ABL2: variants seen among roughly 807,000 people sequenced by gnomAD.
ABL2 encodes the protein ABL proto-oncogene 2, non-receptor tyrosine kinase, also known as tyrosine-protein kinase ABL2.
Under a neutral mutation model 107.7 loss-of-function variants are expected in ABL2, and 49 were observed. The ratio of observed to expected loss-of-function variants is 0.45; its 90% CI spans 0.36 to 0.58. ABL2 has a LOEUF of 0.58. Ranked by LOEUF, ABL2 falls within the 20% of genes least tolerant of loss-of-function variation. ABL2 has a pLI of 0.00. For missense variants in ABL2, 1,245 were observed against 1,457.0 expected, an observed-to-expected ratio of 0.85 and a Z score of 2.37; for synonymous variants, 549 against 548.6, an observed-to-expected ratio of 1.00 and a Z score of -0.01.
Position 179,104,368 on chromosome 1 carries a change from T to C in ABL2, c.*3350A>G, listed in dbSNP as rs767098871. 2 of 224,098 alleles carry C rather than the reference T, an allele frequency of 8.9e-6. No individual in the cohort carries two copies. The highest frequency in any genetic ancestry group is 1.8e-4 in the South Asian group (1 of 5,458). The allele number at this position is 224,098 out of a possible 1,614,324, so 13.9% of individuals were successfully genotyped here. ...CAAAATCTCCATGACTTTAGTTAAATAAAAATGGGCAGTGCCTTAGCAAAG... is the reference window on the plus strand; with the variant it reads ...CAAAATCTCCATGACTTTAGTTAAACAAAAATGGGCAGTGCCTTAGCAAAG... On this transcript the variant is annotated 3_prime_UTR_variant, in exon 12 of 12. Transcript: ENST00000502732.
Position 179,229,634 on chromosome 1 carries a change from GCCGCCGCCGCCGCCGCCGCCA to G in ABL2, c.-258_-238del, listed in dbSNP as rs1009580490. 1.4e-4 allele frequency: 47 copies of G among 336,386 alleles called. No individual in the cohort carries two copies. Among genetic ancestry groups the G allele is most frequent in the Middle Eastern group, 8.2e-4 (1 of 1,222 alleles). The allele number at this position is 336,386 out of a possible 1,614,324, so 20.8% of individuals were successfully genotyped here. On this transcript the variant is annotated 5_prime_UTR_variant, in exon 1 of 12. Coordinates refer to ENST00000502732, the MANE Select transcript of ABL2 (RefSeq NM_007314.4). ...CCTGTCGCGGCTCCGCGCCCCCAAC[GCCGCCGCCGCCGCCGCCGCCA>G]CCGCCGCCGCCATCTTTAAACCACC... is the stretch of plus-strand genomic sequence containing the variant.
Position 179,229,503 on chromosome 1 carries a change from G to A in ABL2, c.-106C>T, listed in dbSNP as rs1663433054. The A allele has an allele frequency of 2.7e-5, 34 of 1,251,702 alleles. No individual in the cohort carries two copies. The highest frequency in any genetic ancestry group is 3.4e-5 in the Non-Finnish European group (33 of 967,038). The allele number at this position is 1,251,702 out of a possible 1,614,324, so 77.5% of individuals were successfully genotyped here. On this transcript the variant is annotated 5_prime_UTR_variant, in exon 1 of 12. Transcript: ENST00000502732. ...GCTCCGGTCTCTCCCTCCCAGCCCA[G>A]GCCCTGGCCCTGAGTGGCTGGGCCA...
intron 3 of ABL2, among the ~76,000 whole-genome samples, chr1:179,128,796 A>T (rs769177556): frequency 3.9e-5 from 6 of 152,088 alleles, no homozygotes; most frequent in African/African-American, 4.8e-5. Flanking sequence ...TGATCCTCAG[A>T]CCTCAGCCCC....
chr1:179,117,926 C>T (rs576400620), intron 7 of ABL2, among the ~76,000 whole-genome samples: 18 of 150,188 alleles, frequency 1.2e-4, no homozygotes, highest in South Asian at 4.2e-4. Flanking sequence ...CAGGACCAGC[C>T]GGGGCAACAT....
intron 1 of ABL2, among the ~76,000 whole-genome samples, chr1:179,192,977 T>A (rs916206166): frequency 5.3e-5 from 8 of 152,222 alleles, no homozygotes; most frequent in African/African-American, 1.9e-4. Context: ...ATATCTTTGG[T>A]AACAGAATGA....
chr1:179,200,848 C>T (rs1418911283), intron 1 of ABL2, among the ~76,000 whole-genome samples: 4 of 152,264 alleles, frequency 2.6e-5, no homozygotes, highest in African/African-American at 7.2e-5. Flanking sequence ...GAAAACCAGG[C>T]GCAAGTGTCC....
chr1:179,123,743 C>T (rs1474390132), intron 4 of ABL2, among the ~76,000 whole-genome samples: 1 of 152,100 alleles, frequency 6.6e-6, no homozygotes, highest in East Asian at 2.0e-4. Context: ...GATCCTCCTG[C>T]CTCAGCTTCC....
Position 179,108,635 on chromosome 1 carries a change from C to T in ABL2, c.2632G>A (p.Gly878Arg), listed in dbSNP as rs932472903. ...GCTGCCACTCCAGCCACTCCCACCC[C>T]TGGAGGGTCCTTCTCTGTAATGGCT... ...DLAITEKDPPGVGVAGVAAAP... is the reference protein window; with the variant it reads ...DLAITEKDPPRVGVAGVAAAP... Residue 878 changes from glycine to arginine, a missense_variant, in exon 12 of 12, where the codon GGG becomes AGG. By Grantham distance (125) the Gly-to-Arg change is moderately radical (BLOSUM62 -2). This residue lies in a region of ABL2 where 761 missense variants were observed against 766.4 expected (regional missense o/e 0.99). Coordinates refer to ENST00000502732, the MANE Select transcript of ABL2 (RefSeq NM_007314.4). The T allele has an allele frequency of 1.2e-6, 2 of 1,614,100 alleles. No individual in the cohort carries two copies. The highest frequency in any genetic ancestry group is 1.3e-5 in the African/African-American group (1 of 74,934).
chr1:179,202,215 GAAAAGA>G (rs1300861562), intron 1 of ABL2, among the ~76,000 whole-genome samples: 1 of 151,976 alleles, frequency 6.6e-6, no homozygotes, highest in Admixed American at 6.6e-5. Flanking sequence ...TTTCAGCAAA[GAAAAGA>G]AAATCTTGGC....
At chr1:179,168,063 T>C (rs1206043738) in intron 1 of ABL2, among the ~76,000 whole-genome samples, 2 of 152,202 alleles carry the variant, frequency 1.3e-5, no homozygotes, top group Admixed American at 6.5e-5. Flanking sequence ...AATTCAGCTG[T>C]TAAAGAAGAG....
intron 1 of ABL2, among the ~76,000 whole-genome samples, chr1:179,169,199 G>T (rs1659571671): frequency 6.6e-6 from 1 of 152,074 alleles, no homozygotes; most frequent in Non-Finnish European, 1.5e-5. Flanking sequence ...CAAAAATGGG[G>T]TTTTAATAGT....
At chr1:179,150,265 C>T (rs995630230) in intron 1 of ABL2, among the ~76,000 whole-genome samples, 4 of 152,140 alleles carry the variant, frequency 2.6e-5, no homozygotes, top group Non-Finnish European at 5.9e-5. Context: ...ACAGTAATAG[C>T]TGCCACAGTC....
chr1:179,208,484 G>A (rs528202689), intron 1 of ABL2, among the ~76,000 whole-genome samples: 2 of 152,236 alleles, frequency 1.3e-5, no homozygotes, highest in South Asian at 4.1e-4. Context: ...ACATGATTTT[G>A]TTCTTTTTTA....
At chr1:179,147,746 G>A (rs1209598802) in intron 1 of ABL2, among the ~76,000 whole-genome samples, 1 of 152,142 alleles carries the variant, frequency 6.6e-6, no homozygotes, top group Non-Finnish European at 1.5e-5. Flanking sequence ...CCCATGTCAT[G>A]TATGCTATTC....
rs1572589271 is a variant in ABL2 at position 179,102,964 on chromosome 1, T to C, written c.*4754A>G. Reference sequence around the variant, plus strand: ...CCTCCCCCTGTAAACCTAACAAAACTATGCAGGACATAGGTTAAAAAAGAC... The same window carrying C: ...CCTCCCCCTGTAAACCTAACAAAACCATGCAGGACATAGGTTAAAAAAGAC... On this transcript the variant is annotated 3_prime_UTR_variant, in exon 12 of 12. Coordinates refer to ENST00000502732, the MANE Select transcript of ABL2 (RefSeq NM_007314.4). 1 of 225,708 alleles carries C rather than the reference T, an allele frequency of 4.4e-6. No homozygotes were observed. The highest frequency in any genetic ancestry group is 8.8e-6 in the Non-Finnish European group (1 of 113,422). The allele number at this position is 225,708 out of a possible 1,614,324, so 14.0% of individuals were successfully genotyped here.
At chr1:179,143,067 G>T in intron 1 of ABL2, 10 of 1,612,664 alleles carry the variant, frequency 6.2e-6, no homozygotes, top group African/African-American at 1.3e-5. Flanking sequence ...AAGCACAAAA[G>T]TTAAACTGTT....
chr1:179,213,543 C>T (rs2124832857), intron 1 of ABL2, among the ~76,000 whole-genome samples: 1 of 152,202 alleles, frequency 6.6e-6, no homozygotes, highest in East Asian at 1.9e-4. Flanking sequence ...TCAGGTGATC[C>T]TCCCACCTCA....
intron 1 of ABL2, among the ~76,000 whole-genome samples, chr1:179,224,052 G>A (rs1334086130): frequency 1.4e-5 from 2 of 141,058 alleles, no homozygotes; most frequent in African/African-American, 2.6e-5. Context: ...GATCACTTGA[G>A]TCTGGGAGGT....
At chr1:179,215,179 G>A (rs1014408078) in intron 1 of ABL2, among the ~76,000 whole-genome samples, 1 of 151,638 alleles carries the variant, frequency 6.6e-6, no homozygotes, top group Non-Finnish European at 1.5e-5. Context: ...AAAAATTGGG[G>A]AGAAAATTCA....
Sources: allele counts gnomAD v4.1 joint callset (sites outside exome capture counted in the v4.1 genomes callset), GRCh38; gene constraint gnomAD v4.1.1; regional missense constraint gnomAD v4.1.1; transcripts MANE v1.5; gene names NCBI Gene and HGNC (gene_info 2026-07-23, HGNC 2026-07-21).